BRINP3: variants seen among roughly 807,000 people sequenced by gnomAD.
BRINP3 encodes BMP/retinoic acid-inducible neural-specific protein 3.
In BRINP3, 19 loss-of-function variants were observed where a neutral mutation model predicts 71.0. The observed-to-expected ratio is 0.27, with a 90% CI of 0.19 to 0.39. The LOEUF is 0.39. BRINP3 is among the 10% of genes least tolerant of loss of function. The pLI, the probability that BRINP3 is intolerant of heterozygous loss-of-function variation, is 1.00. For synonymous variants in BRINP3, 380 were observed against 337.7 expected (o/e 1.13, Z -1.37); for missense variants, 959 against 940.8 (o/e 1.02, Z -0.25).
At chr1:190,237,334 T>G (rs1395971927) in intron 4 of BRINP3, among the ~76,000 whole-genome samples, 1 of 151,726 alleles carries the variant, frequency 6.6e-6, no homozygotes, top group Non-Finnish European at 1.5e-5. Context: ...GCCTCCATAT[T>G]CCTTACTAAT....
intron 2 of BRINP3, among the ~76,000 whole-genome samples, chr1:190,314,205 T>A (rs1000701255): frequency 6.6e-6 from 1 of 151,938 alleles, no homozygotes; most frequent in Non-Finnish European, 1.5e-5. Flanking sequence ...TGGAGAATAA[T>A]AGAAAAGTAG....
intron 6 of BRINP3, among the ~76,000 whole-genome samples, chr1:190,200,552 G>C (rs1189906113): frequency 1.3e-5 from 2 of 152,012 alleles, no homozygotes; most frequent in Non-Finnish European, 2.9e-5. Context: ...CTTAGCCACA[G>C]ATATAACTCC....
At chr1:190,149,980 T>C (rs1390314948) in intron 7 of BRINP3, among the ~76,000 whole-genome samples, 1 of 152,198 alleles carries the variant, frequency 6.6e-6, no homozygotes, top group Non-Finnish European at 1.5e-5. Flanking sequence ...TTATTTCAAT[T>C]GGCATTGATT....
intron 4 of BRINP3, among the ~76,000 whole-genome samples, chr1:190,238,127 CT>C (rs1182846630): frequency 6.6e-6 from 1 of 151,946 alleles, no homozygotes; most frequent in Non-Finnish European, 1.5e-5. Context: ...TAGATATACT[CT>C]ATTATACTGT....
At chr1:190,294,285 G>T (rs1292384372) in intron 2 of BRINP3, among the ~76,000 whole-genome samples, 1 of 147,966 alleles carries the variant, frequency 6.8e-6, no homozygotes, top group South Asian at 2.1e-4. Flanking sequence ...TTGAGTCAGG[G>T]TCTCACTCTG....
At chr1:190,328,580 T>C (rs1666759331) in intron 2 of BRINP3, among the ~76,000 whole-genome samples, 1 of 151,994 alleles carries the variant, frequency 6.6e-6, no homozygotes, top group African/African-American at 2.4e-5. Flanking sequence ...GAGTCACAGC[T>C]GAATCATACC....
chr1:190,303,259 T>A (rs1249851274), intron 2 of BRINP3, among the ~76,000 whole-genome samples: 1 of 151,796 alleles, frequency 6.6e-6, no homozygotes, highest in East Asian at 1.9e-4. Context: ...ATAAATTAAA[T>A]GATATAATGA....
At chr1:190,381,784 T>C (rs1333367218) in intron 2 of BRINP3, among the ~76,000 whole-genome samples, 3 of 152,206 alleles carry the variant, frequency 2.0e-5, no homozygotes, top group Admixed American at 6.6e-5. Flanking sequence ...GGATGACTTG[T>C]AGGTCCTAGG....
rs1411678988 is a variant in BRINP3, at chr1:190,454,718, T to C, written c.173A>G (p.Gln58Arg). The C allele has an allele frequency of 6.2e-7, 1 of 1,614,158 alleles. No individual in the cohort carries two copies. The highest frequency in any genetic ancestry group is 8.5e-7 in the Non-Finnish European group (1 of 1,180,024). ...TCTGTCCACAAAATCTGTGTATTCC[T>C]GTGAGCGATGGAAGGGTCCCTTATC... ...LSDKGPFHRS[Q>R]EYTDFVDRSR... The change falls in exon 2 of 8, where the codon CAG becomes CGG. Residue 58 changes from glutamine to arginine, a missense_variant. By Grantham distance (43) the Gln-to-Arg change is conservative. Transcript: ENST00000367462.
At chr1:190,240,826 C>T (rs1043604354) in intron 4 of BRINP3, among the ~76,000 whole-genome samples, 15 of 129,622 alleles carry the variant, frequency 1.2e-4, no homozygotes, top group African/African-American at 4.3e-4. Context: ...GAGCTGGGAT[C>T]GCTCTATTGC....
intron 6 of BRINP3, among the ~76,000 whole-genome samples, chr1:190,220,830 T>C (rs1416624270): frequency 1.3e-5 from 2 of 152,140 alleles, no homozygotes; most frequent in Non-Finnish European, 2.9e-5. Context: ...AAAAAAGTTT[T>C]CAAGGCATAA....
intron 2 of BRINP3, among the ~76,000 whole-genome samples, chr1:190,373,552 C>T (rs569302553): frequency 5.3e-5 from 8 of 151,002 alleles, no homozygotes; most frequent in African/African-American, 1.9e-4. Flanking sequence ...GCAAATTCTA[C>T]ATTTGTGATT....
chr1:190,393,200 T>C (rs572221068), intron 2 of BRINP3, among the ~76,000 whole-genome samples: 60 of 151,810 alleles, frequency 4.0e-4, no homozygotes, highest in African/African-American at 1.3e-3. Flanking sequence ...CATGTATGCA[T>C]ATGCATGCAT....
At chr1:190,401,331 C>T (rs2102356957) in intron 2 of BRINP3, among the ~76,000 whole-genome samples, 1 of 139,452 alleles carries the variant, frequency 7.2e-6, no homozygotes, top group Non-Finnish European at 1.5e-5. Flanking sequence ...GCTCTCCAGC[C>T]TGGGCAACAG....
intron 2 of BRINP3, among the ~76,000 whole-genome samples, chr1:190,359,754 A>C (rs1372664576): frequency 6.6e-6 from 1 of 152,068 alleles, no homozygotes; most frequent in African/African-American, 2.4e-5. Flanking sequence ...TCCTTTGTCT[A>C]ATTTTAATTT....
intron 7 of BRINP3, among the ~76,000 whole-genome samples, chr1:190,122,920 G>T (rs1347867502): frequency 1.3e-5 from 2 of 152,064 alleles, no homozygotes; most frequent in Non-Finnish European, 2.9e-5. Context: ...TGAATCTGAG[G>T]TCATGTCCCT....
At chr1:190,266,244 T>C (rs559017379) in intron 3 of BRINP3, among the ~76,000 whole-genome samples, 1 of 152,312 alleles carries the variant, frequency 6.6e-6, no homozygotes, top group East Asian at 1.9e-4. Flanking sequence ...GTTTGTCTAA[T>C]AGAATAGTTT....
At chr1:190,337,768 C>G (rs1667385254) in intron 2 of BRINP3, among the ~76,000 whole-genome samples, 1 of 152,078 alleles carries the variant, frequency 6.6e-6, no homozygotes, top group South Asian at 2.1e-4. Context: ...AATAAGCTCC[C>G]TTTCATATAT....
intron 2 of BRINP3, among the ~76,000 whole-genome samples, chr1:190,453,719 G>C (rs1173497814): frequency 6.6e-6 from 1 of 152,094 alleles, no homozygotes; most frequent in African/African-American, 2.4e-5. Context: ...TCATAATGCT[G>C]TATAAATGAC....
Sources: gnomAD v4.1 joint callset for allele counts (sites outside exome capture counted in the v4.1 genomes callset) on GRCh38, gnomAD v4.1.1 for gene constraint, MANE v1.5 for transcripts, NCBI Gene and HGNC (gene_info 2026-07-23, HGNC 2026-07-21) for gene names.